The following TNS3 variants were observed in gnomAD, a reference collection of about 807,000 sequenced individuals.
TNS3 encodes the protein tensin-3.
TNS3 carries 45 observed loss-of-function variants against 140.9 expected under a neutral mutation model. That is an observed-to-expected ratio of 0.32 (90% CI 0.25 to 0.41). The LOEUF is 0.41. TNS3 is among the 10% of genes least tolerant of loss of function. TNS3 has a pLI of 1.00. For missense variants in TNS3, 1,716 were observed against 1,906.7 expected (o/e 0.90, Z 1.86); for synonymous variants, 815 against 788.4 (o/e 1.03, Z -0.56).
chr7:47,468,301 C>T (rs1344903740), intron 4 of TNS3, among the ~76,000 whole-genome samples: 4 of 152,190 alleles, frequency 2.6e-5, no homozygotes, highest in Non-Finnish European at 4.4e-5. Context: ...ATCATCCAGG[C>T]GTGGTGGCAC....
At chr7:47,341,910 C>A (rs970151086) in intron 20 of TNS3, among the ~76,000 whole-genome samples, 27 of 152,062 alleles carry the variant, frequency 1.8e-4, no homozygotes, top group South Asian at 8.3e-4. Context: ...GATATTTTAT[C>A]CTCATTTTCA....
intron 4 of TNS3, among the ~76,000 whole-genome samples, chr7:47,469,017 GGGATAACTTGCTA>G (rs1796836497): frequency 1.3e-5 from 2 of 152,136 alleles, no homozygotes; most frequent in Non-Finnish European, 2.9e-5. Context: ...AAATAGTGCT[GGGATAACTTGCTA>G]GCCATATGCA....
At chr7:47,454,800 G>A (rs1485659443) in intron 4 of TNS3, among the ~76,000 whole-genome samples, 1 of 152,198 alleles carries the variant, frequency 6.6e-6, no homozygotes, top group Non-Finnish European at 1.5e-5. Context: ...CCATAGGCGA[G>A]CAAGTTAGCA....
chr7:47,319,723 G>A (rs1444315126), intron 20 of TNS3, among the ~76,000 whole-genome samples: 1 of 152,142 alleles, frequency 6.6e-6, no homozygotes. Context: ...ACCCTTAAAG[G>A]ACCTGCCTGT....
rs189388751 is a variant in TNS3 at position 47,481,625 on chromosome 7, T to C, written c.-114-484A>G. The stretch of plus-strand genomic sequence containing the variant: ...CTAGAACTATTTCTACAAGTAGAAC[T>C]GAAGAGTCTGAATGTGGCAATGTCA... On this transcript the variant is annotated intron_variant, in intron 3 of 30. Transcript: ENST00000311160. 2.9e-4 allele frequency: 288 copies of C among 979,652 alleles called. No homozygotes were observed. In the African/African-American group the frequency reaches 4.6e-3, roughly 16 times the overall value. 60.7% of individuals were successfully genotyped at this position (979,652 alleles called of 1,614,324 possible).
Position 47,493,354 on chromosome 7 carries a change from T to C in TNS3, c.-114-12213A>G, listed in dbSNP as rs1456857801. ...TTAGCAGTTGCCTTCGAAATTCAGT[T>C]TAAAATGGAAGAAAAGGTATAAACA... On this transcript the variant is annotated intron_variant, in intron 3 of 30. Coordinates refer to ENST00000311160, the MANE Select transcript of TNS3 (RefSeq NM_022748.12). Among the ~76,000 whole-genome samples the C allele has an allele frequency of 2.6e-5, 4 of 152,140 alleles. No individual in the cohort carries two copies. The East Asian group carries it at 7.7e-4, about 29-fold the overall frequency.
intron 27 of TNS3, among the ~76,000 whole-genome samples, chr7:47,286,468 A>G (rs1402704014): frequency 6.6e-6 from 1 of 152,068 alleles, no homozygotes; most frequent in African/African-American, 2.4e-5. Flanking sequence ...TGATTGTCCA[A>G]CTGCACCTGA....
rs2151256515 is a variant in TNS3 at position 47,386,049 on chromosome 7, C to G, written c.1024+10751G>C. Among the ~76,000 whole-genome samples the G allele has an allele frequency of 2.0e-5, 3 of 152,364 alleles. No individual in the cohort carries two copies. The South Asian group carries it at 6.2e-4, about 32-fold the overall frequency. On this transcript the variant is annotated intron_variant, in intron 16 of 30. Coordinates refer to ENST00000311160, the MANE Select transcript of TNS3 (RefSeq NM_022748.12). ...ATTGAATTTTCATAGTATAATTTCCCATAGACTGTCAACACCATGAATCCT... is the reference window on the plus strand; with the variant it reads ...ATTGAATTTTCATAGTATAATTTCCGATAGACTGTCAACACCATGAATCCT...
chr7:47,279,388 A>G (rs1785024431), intron 30 of TNS3: 1 of 152,376 alleles, frequency 6.6e-6, no homozygotes, highest in African/African-American at 2.4e-5. Context: ...TCAGGGAGCC[A>G]GGGAAAGGTG....
intron 3 of TNS3, among the ~76,000 whole-genome samples, chr7:47,493,169 A>C (rs1194777085): frequency 6.6e-6 from 1 of 152,196 alleles, no homozygotes; most frequent in Admixed American, 6.5e-5. Flanking sequence ...TCTGACAGTC[A>C]ATGTTCAGTG....
At chr7:47,327,512 G>T (rs1788090591) in intron 20 of TNS3, among the ~76,000 whole-genome samples, 1 of 152,192 alleles carries the variant, frequency 6.6e-6, no homozygotes, top group African/African-American at 2.4e-5. Flanking sequence ...TGGGGGCGGT[G>T]ACAGCCCTGG....
intron 20 of TNS3, among the ~76,000 whole-genome samples, chr7:47,339,427 C>T (rs1330716873): frequency 6.6e-6 from 1 of 152,096 alleles, no homozygotes; most frequent in African/African-American, 2.4e-5. Context: ...CCAGGTGCCC[C>T]CGCATCATTT....
At chr7:47,418,681 A>G (rs1391909945) in intron 10 of TNS3, among the ~76,000 whole-genome samples, 1 of 152,238 alleles carries the variant, frequency 6.6e-6, no homozygotes, top group Non-Finnish European at 1.5e-5. Context: ...TTAAAAACTA[A>G]AGGATTGTTT....
chr7:47,475,473 G>A (rs1407053401), intron 4 of TNS3, among the ~76,000 whole-genome samples: 1 of 152,242 alleles, frequency 6.6e-6, no homozygotes, highest in Admixed American at 6.5e-5. Flanking sequence ...GCCACCAGAA[G>A]GCGGAGACAC....
At chr7:47,530,779 C>T (rs1305376451) in intron 1 of TNS3, among the ~76,000 whole-genome samples, 4 of 138,494 alleles carry the variant, frequency 2.9e-5, no homozygotes, top group South Asian at 2.4e-4. Flanking sequence ...GCCGAGATCG[C>T]GCCATTGCAC....
At chr7:47,351,347 C>CA (rs1265079314) in intron 17 of TNS3, among the ~76,000 whole-genome samples, 1 of 152,128 alleles carries the variant, frequency 6.6e-6, no homozygotes, top group Admixed American at 6.5e-5. Context: ...GTGGAAGTGA[C>CA]ATTCTCATTT....
intron 17 of TNS3, among the ~76,000 whole-genome samples, chr7:47,362,882 T>TCATCAC (rs1219677963): frequency 3.5e-5 from 4 of 114,872 alleles, no homozygotes; most frequent in Admixed American, 3.5e-4. Flanking sequence ...ATCATCACAG[T>TCATCAC]CATCACCATC....
intron 2 of TNS3, among the ~76,000 whole-genome samples, chr7:47,512,108 C>G (rs1798634768): frequency 6.6e-6 from 1 of 152,260 alleles, no homozygotes; most frequent in Non-Finnish European, 1.5e-5. Context: ...TAAGCAGTGA[C>G]ACCAGCTGCC....
At chr7:47,310,361 T>C (rs1787017700) in intron 20 of TNS3, among the ~76,000 whole-genome samples, 1 of 152,072 alleles carries the variant, frequency 6.6e-6, no homozygotes, top group Non-Finnish European at 1.5e-5. Flanking sequence ...AGAGGGGCCT[T>C]TGCAAACACC....
Sources: gnomAD v4.1 joint callset for allele counts (sites outside exome capture counted in the v4.1 genomes callset) on GRCh38, gnomAD v4.1.1 for gene constraint, MANE v1.5 for transcripts, NCBI Gene and HGNC (gene_info 2026-07-23, HGNC 2026-07-21) for gene names.